TWIST2: variants seen among roughly 807,000 people sequenced by gnomAD.
TWIST2 encodes the protein twist family bHLH transcription factor 2.
TWIST2 carries 1 observed loss-of-function variant against 11.6 expected under a neutral mutation model. The ratio of observed to expected loss-of-function variants is 0.09; its 90% CI spans 0.03 to 0.41. The LOEUF is 0.41. Ranked by LOEUF, TWIST2 falls within the 10% of genes least tolerant of loss-of-function variation. The probability of loss-of-function intolerance (pLI) is 0.98; values close to 1 mark genes in which losing one functional copy is unlikely to be tolerated. For synonymous variants in TWIST2, 87 were observed against 96.6 expected, an observed-to-expected ratio of 0.90 and a Z score of 0.58; for missense variants, 168 against 226.4, an observed-to-expected ratio of 0.74 and a Z score of 1.66.
At chr2:238,860,938 AAAAC>A (rs201395191) in intron 1 of TWIST2, among the ~76,000 whole-genome samples, 2 of 152,264 alleles carry the variant, frequency 1.3e-5, no homozygotes, top group African/African-American at 4.8e-5. Context: ...ACTCCACCTC[AAAAC>A]AAACAAACAA....
chr2:238,872,832 G>C (rs1259061259), intron 1 of TWIST2, among the ~76,000 whole-genome samples: 4 of 152,184 alleles, frequency 2.6e-5, no homozygotes, highest in Non-Finnish European at 5.9e-5. Context: ...CACACGCTCC[G>C]CAGATGGTTT....
chr2:238,864,037 C>G lies in TWIST2; in HGVS notation c.*35+15304C>G, dbSNP rs1176170860. 6.6e-6 allele frequency among the ~76,000 whole-genome samples: 1 copy of G among 152,206 alleles called. No homozygotes were observed. The highest frequency in any genetic ancestry group is 1.5e-5 in the Non-Finnish European group (1 of 68,052). On this transcript the variant is annotated intron_variant, in intron 1 of 1. Coordinates refer to ENST00000612363, the MANE Select transcript of TWIST2 (RefSeq NM_001271893.4). This position sits in a 1 kb window ranked among gnomAD's most constrained non-coding sequence, Gnocchi z 4.7. Reference sequence around the variant, plus strand: ...TTCCTTTCAGATTCTTCGCCATAATCTAATTTTCGTTAAGCCTGTCTTCCT... The same window carrying G: ...TTCCTTTCAGATTCTTCGCCATAATGTAATTTTCGTTAAGCCTGTCTTCCT...
At chr2:238,871,970 G>T (rs1692713738) in intron 1 of TWIST2, among the ~76,000 whole-genome samples, 1 of 152,164 alleles carries the variant, frequency 6.6e-6, no homozygotes. Flanking sequence ...AGATGATGGT[G>T]GTTAAGGTCA....
In TWIST2 at chr2:238,867,412, C is replaced by CACACACACA. The variant is rs201212202; in HGVS notation, c.*35+18679_*35+18680insACACACACA. On this transcript the variant is annotated intron_variant, in intron 1 of 1. Coordinates refer to ENST00000612363, the MANE Select transcript of TWIST2 (RefSeq NM_001271893.4). The surrounding 1 kb of genome is among the most constrained non-coding windows in gnomAD (Gnocchi z 4.8). ...ACACACACACACACACACACACACA[C>CACACACACA]TCCTCAGTAAAATACCCAGTTCTCA... Among the ~76,000 whole-genome samples, 1 of 144,126 alleles carries CACACACACA rather than the reference C, an allele frequency of 6.9e-6. No individual in the cohort carries two copies. Among genetic ancestry groups the CACACACACA allele is most frequent in the Non-Finnish European group, 1.6e-5 (1 of 64,162 alleles). 94.6% of individuals were successfully genotyped at this position (144,126 alleles called of 152,430 possible). A position where few individuals can be genotyped will look rare whatever the true frequency, so the allele number is the denominator to read the frequency against.
At chr2:238,858,084 T>C (rs1387956996) in intron 1 of TWIST2, among the ~76,000 whole-genome samples, 1 of 152,188 alleles carries the variant, frequency 6.6e-6, no homozygotes, top group African/African-American at 2.4e-5. Flanking sequence ...TTGTACTGTT[T>C]CCTGAAAGTT....
chr2:238,870,535 TACATACCCC>T (rs1221868315), intron 1 of TWIST2, among the ~76,000 whole-genome samples: 8 of 13,662 alleles, frequency 5.9e-4, no homozygotes, highest in Admixed American at 9.1e-4. Flanking sequence ...CCACACACCC[TACATACCCC>T]ACACACCCCA....
intron 1 of TWIST2, among the ~76,000 whole-genome samples, chr2:238,868,288 G>C (rs1188722818): frequency 6.6e-6 from 1 of 152,190 alleles, no homozygotes; most frequent in Non-Finnish European, 1.5e-5. Context: ...GTGAGCTCCA[G>C]GTCTCAAACC....
intron 1 of TWIST2, among the ~76,000 whole-genome samples, chr2:238,902,589 TGTA>T (rs1365702822): frequency 3.0e-4 from 43 of 142,478 alleles, no homozygotes; most frequent in Admixed American, 1.0e-3. Flanking sequence ...TTGTGTGTGT[TGTA>T]GTGTGTGTGA....
At chr2:238,876,380 C>G (rs1559276997) in intron 1 of TWIST2, among the ~76,000 whole-genome samples, 1 of 152,208 alleles carries the variant, frequency 6.6e-6, no homozygotes, top group Non-Finnish European at 1.5e-5. Context: ...CCAAGTGCTC[C>G]CTGTCTGGGT....
intron 1 of TWIST2, among the ~76,000 whole-genome samples, chr2:238,870,440 CCA>C (rs1692649330): frequency 1.2e-5 from 1 of 84,654 alleles, no homozygotes; most frequent in Non-Finnish European, 2.4e-5. Context: ...CCTACACACA[CCA>C]CACACCCCAC....
At chr2:238,870,561 C>CCACACA (rs1692657872) in intron 1 of TWIST2, among the ~76,000 whole-genome samples, 7 of 98,134 alleles carry the variant, frequency 7.1e-5, no homozygotes, top group African/African-American at 1.8e-4. Context: ...CCCACACACA[C>CCACACA]CACACACCAC....
chr2:238,904,591 C>T (rs906056312), intron 1 of TWIST2, among the ~76,000 whole-genome samples: 2 of 152,134 alleles, frequency 1.3e-5, no homozygotes, highest in East Asian at 3.9e-4. Flanking sequence ...GTACTTTGCC[C>T]TTCCCTTTCT....
chr2:238,896,553 C>G (rs1693209937), intron 1 of TWIST2, among the ~76,000 whole-genome samples: 1 of 152,202 alleles, frequency 6.6e-6, no homozygotes, highest in Admixed American at 6.5e-5. Context: ...CTGAACACGT[C>G]CTGAGCCACA....
rs1251422991 is a variant in TWIST2 at position 238,880,099 on chromosome 2, GTATT to G, written c.*36-29735_*36-29732del. On this transcript the variant is annotated intron_variant, in intron 1 of 1. Transcript: ENST00000612363. ...GGTGTTAGTTTTGATATTAGTGTTA[GTATT>G]TATTTATACTCGTGCTAGCGTTAGT... Among the ~76,000 whole-genome samples, 67 of 152,092 alleles carry G rather than the reference GTATT, an allele frequency of 4.4e-4. 1 individual carries two copies. Among genetic ancestry groups the G allele is most frequent in the Admixed American group, 1.8e-3 (27 of 15,296 alleles).
rs751874652 is a variant in TWIST2, at chr2:238,867,411, A to ACACT, written c.*35+18679_*35+18680insACTC. The stretch of plus-strand genomic sequence containing the variant: ...CACACACACACACACACACACACAC[A>ACACT]CTCCTCAGTAAAATACCCAGTTCTC... On this transcript the variant is annotated intron_variant, in intron 1 of 1. Coordinates refer to ENST00000612363, the MANE Select transcript of TWIST2 (RefSeq NM_001271893.4). The surrounding 1 kb of genome is among the most constrained non-coding windows in gnomAD (Gnocchi z 4.8). Among the ~76,000 whole-genome samples, 10 of 145,002 alleles carry ACACT rather than the reference A, an allele frequency of 6.9e-5. No individual in the cohort carries two copies. The highest frequency in any genetic ancestry group is 2.7e-4 in the Admixed American group (4 of 14,548).
chr2:238,880,898 ATTATTAGTG>A lies in TWIST2; in HGVS notation c.*36-28940_*36-28932del, dbSNP rs1191430676. Among the ~76,000 whole-genome samples the A allele has an allele frequency of 8.6e-5, 9 of 104,440 alleles. 1 individual carries two copies. Among genetic ancestry groups the A allele is most frequent in the East Asian group, 4.6e-4 (1 of 2,180 alleles). 68.5% of individuals were successfully genotyped at this position (104,440 alleles called of 152,430 possible). A position where few individuals can be genotyped will look rare whatever the true frequency, so the allele number is the denominator to read the frequency against. ...GTTAGTGTTAGTGTTGGTATTTATTATTATTAGTGTTAGTGTCAGTATTAGTGTTAGTAT... is the reference window on the plus strand; with the variant it reads ...GTTAGTGTTAGTGTTGGTATTTATTATTAGTGTCAGTATTAGTGTTAGTAT... On this transcript the variant is annotated intron_variant, in intron 1 of 1. Transcript: ENST00000612363.
chr2:238,865,651 G>GCAGGGC (rs1296898764), intron 1 of TWIST2, among the ~76,000 whole-genome samples: 1 of 151,758 alleles, frequency 6.6e-6, no homozygotes, highest in African/African-American at 2.4e-5. Flanking sequence ...CTTTGAATTT[G>GCAGGGC]CAGGGCCAGG....
At chr2:238,865,405 G>C (rs1301028957) in intron 1 of TWIST2, among the ~76,000 whole-genome samples, 1 of 152,222 alleles carries the variant, frequency 6.6e-6, no homozygotes, top group Non-Finnish European at 1.5e-5. Context: ...CCTGGATCCA[G>C]CCGGGCACCT....
At chr2:238,895,506 C>T (rs1009803634) in intron 1 of TWIST2, among the ~76,000 whole-genome samples, 1 of 152,216 alleles carries the variant, frequency 6.6e-6, no homozygotes, top group Non-Finnish European at 1.5e-5. Flanking sequence ...TTGTGACTCA[C>T]GGGTTGAAAG....
Sources: allele counts gnomAD v4.1 joint callset (sites outside exome capture counted in the v4.1 genomes callset), GRCh38; gene constraint gnomAD v4.1.1; non-coding constraint Gnocchi (gnomAD v3.1); transcripts MANE v1.5; gene names NCBI Gene and HGNC (gene_info 2026-07-23, HGNC 2026-07-21).